TBC1D14: variants seen among roughly 807,000 people sequenced by gnomAD.
TBC1D14 encodes the protein TBC1 domain family, member 14.
Under a neutral mutation model 79.0 loss-of-function variants are expected in TBC1D14, and 26 were observed. The ratio of observed to expected loss-of-function variants is 0.33; its 90% CI spans 0.24 to 0.46. The LOEUF (loss-of-function observed/expected upper bound fraction) is 0.46, where lower values mean the gene tolerates loss of function less well. Among genes scored for constraint, TBC1D14 ranks in the 20% least tolerant of loss-of-function variants. TBC1D14 has a pLI of 1.00. For missense variants in TBC1D14, 769 were observed against 887.6 expected, an observed-to-expected ratio of 0.87 and a Z score of 1.70; for synonymous variants, 394 against 349.9, an observed-to-expected ratio of 1.13 and a Z score of -1.40.
At chr4:6,987,211 C>A in intron 3 of TBC1D14, 1 of 1,235,440 alleles carries the variant, frequency 8.1e-7, no homozygotes. Flanking sequence ...GGCCTGCCGC[C>A]CCGCCCCGCC....
chr4:7,011,392 G>T (rs1364744726), intron 11 of TBC1D14, among the ~76,000 whole-genome samples: 1 of 152,138 alleles, frequency 6.6e-6, no homozygotes, highest in East Asian at 1.9e-4. Flanking sequence ...CGCAGTTCAG[G>T]TGAGGAGATA....
chr4:6,974,728 A>G (rs1716558120), intron 3 of TBC1D14, among the ~76,000 whole-genome samples: 2 of 152,186 alleles, frequency 1.3e-5, no homozygotes, highest in African/African-American at 4.8e-5. Flanking sequence ...ACATTCTCCC[A>G]AGGGTTGAGA....
intron 12 of TBC1D14, among the ~76,000 whole-genome samples, chr4:7,020,231 C>G (rs953260422): frequency 6.6e-6 from 1 of 152,172 alleles, no homozygotes; most frequent in Admixed American, 6.5e-5. Context: ...GGATATATGT[C>G]TAATTGCTTT....
intron 3 of TBC1D14, 59 bp from the exon 4 acceptor site, chr4:6,994,125 C>G: frequency 7.1e-7 from 1 of 1,405,780 alleles, no homozygotes; most frequent in Non-Finnish European, 1.0e-6. Context: ...TTCTTACTTT[C>G]CGAAGGACTT....
At chr4:7,012,937 T>C (rs1176413683) in intron 11 of TBC1D14, among the ~76,000 whole-genome samples, 1 of 152,228 alleles carries the variant, frequency 6.6e-6, no homozygotes, top group Non-Finnish European at 1.5e-5. Flanking sequence ...GCTTGTGATA[T>C]TAATTCCTGA....
chr4:6,979,798 T>C (rs571427857), intron 3 of TBC1D14, among the ~76,000 whole-genome samples: 3 of 152,306 alleles, frequency 2.0e-5, no homozygotes, highest in South Asian at 2.1e-4. Context: ...ATTAATATTA[T>C]AAAAAGTAGA....
At chr4:6,998,487 G>A (rs571816658) in intron 5 of TBC1D14, among the ~76,000 whole-genome samples, 1 of 152,196 alleles carries the variant, frequency 6.6e-6, no homozygotes, top group Admixed American at 6.5e-5. Flanking sequence ...GTTTTGATCA[G>A]GATGGTAATT....
At chr4:6,976,877 C>G (rs1716756179) in intron 3 of TBC1D14, among the ~76,000 whole-genome samples, 1 of 152,016 alleles carries the variant, frequency 6.6e-6, no homozygotes, top group East Asian at 1.9e-4. Context: ...AATTATAATG[C>G]AAAGTTGGTG....
At chr4:7,020,194 G>A (rs180851060) in intron 12 of TBC1D14, among the ~76,000 whole-genome samples, 4 of 147,004 alleles carry the variant, frequency 2.7e-5, no homozygotes, top group African/African-American at 1.0e-4. Flanking sequence ...TGGGCTCAGG[G>A]TGGGGAGGAC....
chr4:6,914,788 C>G (rs1723265339), intron 1 of TBC1D14, among the ~76,000 whole-genome samples: 1 of 152,180 alleles, frequency 6.6e-6, no homozygotes, highest in Non-Finnish European at 1.5e-5. Context: ...ATCTGTAATC[C>G]CAGCACTTTG....
rs575550881 is a variant in TBC1D14 at position 6,945,984 on chromosome 4, G to A, written c.723-21320G>A. On this transcript the variant is annotated intron_variant, in intron 2 of 13. Coordinates refer to ENST00000409757, the MANE Select transcript of TBC1D14 (RefSeq NM_020773.3). Reference sequence around the variant, plus strand: ...GCCTCAGGATGCTTGAAAACTCCCCGGGTGACTCTAGCACGCAGAGGGTTC... The same window carrying A: ...GCCTCAGGATGCTTGAAAACTCCCCAGGTGACTCTAGCACGCAGAGGGTTC... Among the ~76,000 whole-genome samples the A allele has an allele frequency of 4.6e-5, 7 of 152,156 alleles. No individual in the cohort carries two copies. The East Asian group carries it at 7.7e-4, about 17-fold the overall frequency.
chr4:6,942,203 A>AT (rs113314284), intron 2 of TBC1D14, among the ~76,000 whole-genome samples: 2,376 of 152,282 alleles, frequency 0.016, 65 homozygotes, highest in African/African-American at 0.054. Context: ...ATATTTACAC[A>AT]TCTTTTTTAT....
At chr4:6,983,953 GT>G (rs1195878726) in intron 3 of TBC1D14, among the ~76,000 whole-genome samples, 2 of 152,268 alleles carry the variant, frequency 1.3e-5, no homozygotes, top group Non-Finnish European at 2.9e-5. Flanking sequence ...TGAGAGCACA[GT>G]TTCTTTGGTG....
In TBC1D14 at chr4:6,999,164, C is replaced by T. The variant is rs144998701; in HGVS notation, c.1125C>T (p.Leu375=). ...RVEESIGNAV[L]TWNNEILPNW... ...AGGAAAGCATTGGAAACGCTGTGCT[C>T]ACCTGGAATAATGAGATCTTACCTA... The change falls in exon 6 of 14, where the codon CTC becomes CTT. Residue 375 remains leucine (L), a synonymous_variant. Coordinates refer to ENST00000409757, the MANE Select transcript of TBC1D14 (RefSeq NM_020773.3). 3.1e-6 allele frequency: 5 copies of T among 1,614,078 alleles called. No individual in the cohort carries two copies. In the African/African-American group the frequency reaches 5.3e-5, roughly 17 times the overall value.
chr4:6,927,121 G>A (rs186523645), intron 2 of TBC1D14, among the ~76,000 whole-genome samples: 2 of 152,204 alleles, frequency 1.3e-5, no homozygotes, highest in African/African-American at 2.4e-5. Context: ...TCCCAGAAGC[G>A]CAGGCCCGGC....
chr4:6,948,707 G>GTTT (rs71173474), intron 2 of TBC1D14, among the ~76,000 whole-genome samples: 16 of 135,376 alleles, frequency 1.2e-4, no homozygotes, highest in South Asian at 2.4e-4. Flanking sequence ...GGGGTACTTG[G>GTTT]TTTTTTTTTT....
rs780979794 is a variant in TBC1D14, at chr4:7,014,488, A to G, written c.1688A>G (p.Glu563Gly). 3.7e-6 allele frequency: 6 copies of G among 1,613,978 alleles called. No individual in the cohort carries two copies. The highest frequency in any genetic ancestry group is 5.1e-6 in the Non-Finnish European group (6 of 1,179,964). The change falls in exon 12 of 14, where the codon GAA becomes GGA. Residue 563 changes from glutamate (E) to glycine (G), a missense_variant. Physicochemically the swap from Glu to Gly is moderately conservative, Grantham distance 98. This residue lies in a region of TBC1D14 where 367 missense variants were observed against 494.4 expected (regional missense o/e 0.74). Coordinates refer to ENST00000409757, the MANE Select transcript of TBC1D14 (RefSeq NM_020773.3). ...GCTGCATTTGAAGTATTCTTTGAAG[A>G]AAATTTGCCGAAATTATTTGCGCAT... ...YFAAFEVFFE[E>G]NLPKLFAHFK...
At chr4:7,026,214 T>C (rs888236195) in intron 13 of TBC1D14, among the ~76,000 whole-genome samples, 1 of 151,834 alleles carries the variant, frequency 6.6e-6, no homozygotes, top group African/African-American at 2.4e-5. Flanking sequence ...CATAAAATAA[T>C]GCACCCCCAC....
At position 7,032,815 on chromosome 4, in the gene TBC1D14, C is replaced by CT. The variant is rs1365815317; in HGVS notation, c.*2424dup. On this transcript the variant is annotated 3_prime_UTR_variant, in exon 14 of 14. Coordinates refer to ENST00000409757, the MANE Select transcript of TBC1D14 (RefSeq NM_020773.3). ...TTCACATGCCGTTGACTCTCACAGT[C>CT]TAAGACTTCAGGGCCGGGACCTTTG... 2.6e-5 allele frequency: 4 copies of CT among 152,236 alleles called. No homozygotes were observed. Among genetic ancestry groups the CT allele is most frequent in the South Asian group, 4.1e-4 (2 of 4,832 alleles). 9.4% of individuals were successfully genotyped at this position (152,236 alleles called of 1,614,324 possible). A position where few individuals can be genotyped will look rare whatever the true frequency, so the allele number is the denominator to read the frequency against.
Sources: allele counts gnomAD v4.1 joint callset (sites outside exome capture counted in the v4.1 genomes callset), GRCh38; gene constraint gnomAD v4.1.1; regional missense constraint gnomAD v4.1.1; transcripts MANE v1.5; gene names NCBI Gene and HGNC (gene_info 2026-07-23, HGNC 2026-07-21).